Variants in SRPK2 observed in about 807,000 individuals in gnomAD.
SRPK2 encodes the protein SFRS protein kinase 2.
A neutral mutation model predicts 90.8 loss-of-function variants in SRPK2; 21 were observed. The observed-to-expected ratio is 0.23, with a 90% CI of 0.16 to 0.33. The LOEUF is 0.33. Ranked by LOEUF, SRPK2 falls within the 10% of genes least tolerant of loss-of-function variation. The probability of loss-of-function intolerance (pLI) is 1.00; values close to 1 mark genes in which losing one functional copy is unlikely to be tolerated. For synonymous variants in SRPK2, 288 were observed against 311.1 expected, an observed-to-expected ratio of 0.93 and a Z score of 0.78; for missense variants, 620 against 869.0, an observed-to-expected ratio of 0.71 and a Z score of 3.60.
At chr7:105,160,872 G>A (rs1036420810) in intron 6 of SRPK2, among the ~76,000 whole-genome samples, 1 of 152,060 alleles carries the variant, frequency 6.6e-6, no homozygotes, top group Non-Finnish European at 1.5e-5. Context: ...ACATATGCTC[G>A]CCTCTTCAGT....
rs534553483 is a variant in SRPK2 at position 105,374,218 on chromosome 7, C to T, written c.71+14430G>A. The stretch of plus-strand genomic sequence containing the variant: ...CTGGGATTACAGGCATGAGCCACCG[C>T]GCCCAGCCAGTTTCTGCCAACTTTC... On this transcript the variant is annotated intron_variant, in intron 2 of 15. Transcript: ENST00000393651. Among the ~76,000 whole-genome samples, 6 of 152,264 alleles carry T rather than the reference C, an allele frequency of 3.9e-5. No homozygotes were observed. The South Asian group carries it at 6.2e-4, about 16-fold the overall frequency.
chr7:105,121,036 A>C (rs1360778947), intron 15 of SRPK2, among the ~76,000 whole-genome samples: 2 of 152,210 alleles, frequency 1.3e-5, no homozygotes, highest in Non-Finnish European at 1.5e-5. Context: ...CTATAAAAGT[A>C]GCACCCTAAC....
chr7:105,137,756 C>T (rs1255141836), intron 11 of SRPK2, among the ~76,000 whole-genome samples: 3 of 152,136 alleles, frequency 2.0e-5, no homozygotes, highest in Admixed American at 1.3e-4. Context: ...TCTTCAAGTT[C>T]CTCAAACTGG....
At chr7:105,138,972 G>A (rs151008136) in intron 11 of SRPK2, among the ~76,000 whole-genome samples, 15 of 152,220 alleles carry the variant, frequency 9.9e-5, no homozygotes, top group African/African-American at 3.4e-4. Flanking sequence ...TATGCAATGC[G>A]GCAAAATGTG....
chr7:105,338,974 C>T (rs1324997320), intron 2 of SRPK2, among the ~76,000 whole-genome samples: 1 of 152,050 alleles, frequency 6.6e-6, no homozygotes, highest in Non-Finnish European at 1.5e-5. Flanking sequence ...AAAGGGAGAG[C>T]AGTCAACTCA....
At chr7:105,301,694 C>T (rs1440842346) in intron 2 of SRPK2, 1 of 1,611,340 alleles carries the variant, frequency 6.2e-7, no homozygotes, top group African/African-American at 1.3e-5. Flanking sequence ...CCCCAAACAC[C>T]TCCAATTCTA....
chr7:105,298,947 C>T (rs866451532), intron 2 of SRPK2, among the ~76,000 whole-genome samples: 1 of 152,226 alleles, frequency 6.6e-6, no homozygotes, highest in Non-Finnish European at 1.5e-5. Flanking sequence ...ATCACCCAAA[C>T]CCTCTCCTAC....
chr7:105,145,471 T>C (rs1163897386), intron 8 of SRPK2, among the ~76,000 whole-genome samples, 163 bp from the exon 9 acceptor site: 1 of 152,192 alleles, frequency 6.6e-6, no homozygotes, highest in Non-Finnish European at 1.5e-5. Context: ...TAGAGTAAGT[T>C]TATGCCACTG....
At chr7:105,331,853 G>A (rs895889475) in intron 2 of SRPK2, among the ~76,000 whole-genome samples, 1 of 152,158 alleles carries the variant, frequency 6.6e-6, no homozygotes, top group Admixed American at 6.6e-5. Context: ...CAAAGCTGAC[G>A]ACAGAAGGAA....
intron 3 of SRPK2, among the ~76,000 whole-genome samples, chr7:105,172,245 AC>A (rs1791251818): frequency 6.6e-6 from 1 of 152,362 alleles, no homozygotes; most frequent in Admixed American, 6.5e-5. Context: ...AGGAAATGAA[AC>A]AGTTTATCCA....
In SRPK2 at chr7:105,378,977, G is replaced by A. The variant is rs117825161; in HGVS notation, c.71+9671C>T. Among the ~76,000 whole-genome samples the A allele has an allele frequency of 4.7e-3, 707 of 151,238 alleles. 11 individuals carry two copies. The East Asian group carries it at 0.056, about 12-fold the overall frequency. On this transcript the variant is annotated intron_variant, in intron 2 of 15. Transcript: ENST00000393651. ...ACATCTTTGAGCCTGGGCAACATAG[G>A]GAGATCCCATCTCTACAAAAAATTT... is the stretch of plus-strand genomic sequence containing the variant.
At chr7:105,284,012 A>G (rs1378278373) in intron 2 of SRPK2, among the ~76,000 whole-genome samples, 1 of 152,154 alleles carries the variant, frequency 6.6e-6, no homozygotes, top group Non-Finnish European at 1.5e-5. Context: ...CAAACAAACA[A>G]ACAAAAAATG....
intron 7 of SRPK2, among the ~76,000 whole-genome samples, chr7:105,157,648 T>C (rs1806720823): frequency 1.3e-5 from 2 of 152,170 alleles, no homozygotes; most frequent in Admixed American, 6.5e-5. Flanking sequence ...CCATTAACAC[T>C]GCATATAAGA....
chr7:105,326,879 T>A (rs925894123), intron 2 of SRPK2, among the ~76,000 whole-genome samples: 2 of 152,014 alleles, frequency 1.3e-5, no homozygotes, highest in African/African-American at 4.8e-5. Context: ...CTGACCAACA[T>A]GGTGAAACCC....
At chr7:105,290,906 C>T (rs1808889453) in intron 2 of SRPK2, among the ~76,000 whole-genome samples, 1 of 149,656 alleles carries the variant, frequency 6.7e-6, no homozygotes, top group African/African-American at 2.5e-5. Context: ...GGCGCGGTGG[C>T]GGGCGCCTGT....
chr7:105,293,711 T>C (rs1809394837), intron 2 of SRPK2, among the ~76,000 whole-genome samples: 1 of 152,126 alleles, frequency 6.6e-6, no homozygotes, highest in African/African-American at 2.4e-5. Context: ...TGAGCCACCA[T>C]GCCTGGCCTC....
chr7:105,319,732 C>T lies in SRPK2; in HGVS notation c.71+68916G>A, dbSNP rs1186446754. ...ACAGCTGAGTCCTGGCAAATTCCAG[C>T]AGCCGTACTTTAACCATTCATACAC... is the stretch of plus-strand genomic sequence containing the variant. On this transcript the variant is annotated intron_variant, in intron 2 of 15. Transcript: ENST00000393651. 2.0e-5 allele frequency among the ~76,000 whole-genome samples: 3 copies of T among 152,124 alleles called. No homozygotes were observed. In the East Asian group the frequency reaches 5.8e-4, roughly 29 times the overall value.
intron 7 of SRPK2, among the ~76,000 whole-genome samples, chr7:105,159,463 A>AAAAAAAAAAAAAAAAAAAAAAAAC (rs1807153359): frequency 6.8e-6 from 1 of 146,520 alleles, no homozygotes; most frequent in Non-Finnish European, 1.5e-5. Context: ...AAAAAAAAAA[A>AAAAAAAAAAAAAAAAAAAAAAAAC]AAAAAAAAAA....
At chr7:105,186,876 T>C (rs1303072282) in intron 3 of SRPK2, among the ~76,000 whole-genome samples, 1 of 152,184 alleles carries the variant, frequency 6.6e-6, no homozygotes, top group Non-Finnish European at 1.5e-5. Context: ...CCAAGCCATA[T>C]GCAAAGGGCA....
Sources: allele counts gnomAD v4.1 joint callset (sites outside exome capture counted in the v4.1 genomes callset), GRCh38; gene constraint gnomAD v4.1.1; transcripts MANE v1.5; gene names NCBI Gene and HGNC (gene_info 2026-07-23, HGNC 2026-07-21).